Variants in GRM7 observed in about 807,000 individuals in gnomAD.
GRM7 encodes the protein glutamate metabotropic receptor 7, also known as metabotropic glutamate receptor 7.
GRM7 carries 35 observed loss-of-function variants against 84.5 expected under a neutral mutation model. The ratio of observed to expected loss-of-function variants is 0.41; its 90% CI spans 0.32 to 0.55. The LOEUF (loss-of-function observed/expected upper bound fraction) is 0.55. Ranked by LOEUF, GRM7 falls within the 20% of genes least tolerant of loss-of-function variation. GRM7 has a pLI of 0.19. For missense variants in GRM7, 1,003 were observed against 1,194.6 expected (o/e 0.84, Z 2.36); for synonymous variants, 487 against 455.1 (o/e 1.07, Z -0.89).
chr3:7,374,179 G>A (rs1694250212), intron 4 of GRM7, among the ~76,000 whole-genome samples: 1 of 152,052 alleles, frequency 6.6e-6, no homozygotes, highest in Admixed American at 6.6e-5. Context: ...GAGTGAAACA[G>A]GCTTTCTCAA....
intron 7 of GRM7, among the ~76,000 whole-genome samples, chr3:7,469,289 G>T (rs537848424): frequency 5.3e-5 from 8 of 152,298 alleles, no homozygotes; most frequent in African/African-American, 1.9e-4. Context: ...GTTCCTCAAG[G>T]GTTCCCTAAG....
chr3:7,579,649 C>A, intron 8 of GRM7, among the ~76,000 whole-genome samples: 1 of 152,122 alleles, frequency 6.6e-6, no homozygotes, highest in South Asian at 2.1e-4. Context: ...TCTAAAATAA[C>A]CCTTCATATT....
At chr3:7,474,096 A>G (rs1698821539) in intron 7 of GRM7, among the ~76,000 whole-genome samples, 1 of 152,176 alleles carries the variant, frequency 6.6e-6, no homozygotes, top group African/African-American at 2.4e-5. Context: ...GTCATCACTT[A>G]TGGCCATGAT....
At chr3:7,156,585 A>G (rs1314795380) in intron 2 of GRM7, among the ~76,000 whole-genome samples, 1 of 152,090 alleles carries the variant, frequency 6.6e-6, no homozygotes, top group Non-Finnish European at 1.5e-5. Flanking sequence ...GCATCCCCAT[A>G]TCTGTTATAT....
intron 2 of GRM7, among the ~76,000 whole-genome samples, chr3:7,199,289 G>C (rs1245355869): frequency 6.6e-6 from 1 of 152,242 alleles, no homozygotes; most frequent in African/African-American, 2.4e-5. Flanking sequence ...TGGATGAAGA[G>C]AGATCTGGAT....
chr3:7,079,642 G>C (rs981364795), intron 1 of GRM7, among the ~76,000 whole-genome samples: 10 of 152,108 alleles, frequency 6.6e-5, no homozygotes, highest in Non-Finnish European at 1.2e-4. Flanking sequence ...ACTGGAGTGG[G>C]CAGAATAATG....
intron 1 of GRM7, among the ~76,000 whole-genome samples, chr3:6,910,770 T>G (rs1267511057): frequency 6.6e-6 from 1 of 152,130 alleles, no homozygotes; most frequent in East Asian, 1.9e-4. Flanking sequence ...CCAAAGCATC[T>G]CATTCTCTAG....
intron 7 of GRM7, among the ~76,000 whole-genome samples, chr3:7,499,158 A>G (rs1559363657): frequency 6.6e-6 from 1 of 152,138 alleles, no homozygotes; most frequent in Non-Finnish European, 1.5e-5. Flanking sequence ...GATATCTCTA[A>G]CTTCCCATAG....
At chr3:7,221,573 G>GT (rs1696802132) in intron 2 of GRM7, among the ~76,000 whole-genome samples, 1 of 151,770 alleles carries the variant, frequency 6.6e-6, no homozygotes, top group African/African-American at 2.4e-5. Flanking sequence ...TATTGTAGGG[G>GT]TGTTCCACCA....
At chr3:7,517,819 C>A (rs757611162) in intron 7 of GRM7, among the ~76,000 whole-genome samples, 1 of 152,210 alleles carries the variant, frequency 6.6e-6, no homozygotes, top group Non-Finnish European at 1.5e-5. Flanking sequence ...CTTCTTTTAT[C>A]ACCAGATTTT....
At chr3:6,924,902 C>T (rs954807526) in intron 1 of GRM7, among the ~76,000 whole-genome samples, 4 of 152,038 alleles carry the variant, frequency 2.6e-5, no homozygotes, top group African/African-American at 9.7e-5. Flanking sequence ...TCAGAAAAGC[C>T]TGTGATTCTT....
intron 1 of GRM7, among the ~76,000 whole-genome samples, chr3:7,017,961 C>G (rs1410797365): frequency 6.6e-6 from 1 of 152,000 alleles, no homozygotes; most frequent in African/African-American, 2.4e-5. Context: ...TACTTGTAAG[C>G]CAAATAAAAG....
intron 8 of GRM7, among the ~76,000 whole-genome samples, chr3:7,619,130 C>T (rs1020588122): frequency 6.6e-6 from 1 of 152,154 alleles, no homozygotes; most frequent in African/African-American, 2.4e-5. Context: ...TTATTTTAGT[C>T]GGCCCATTTT....
At chr3:7,247,484 A>G (rs547656469) in intron 2 of GRM7, among the ~76,000 whole-genome samples, 1 of 151,858 alleles carries the variant, frequency 6.6e-6, no homozygotes, top group East Asian at 1.9e-4. Context: ...CTGTAGTCCT[A>G]CCTACTTGAG....
chr3:7,612,415 C>T (rs1299126325), intron 8 of GRM7, among the ~76,000 whole-genome samples: 1 of 152,106 alleles, frequency 6.6e-6, no homozygotes, highest in Non-Finnish European at 1.5e-5. Context: ...AAAGATGAGT[C>T]CCTGCCTTTG....
rs78669827 is a variant in GRM7 at position 7,460,158 on chromosome 3, A to T, written c.1376-1425A>T. Among the ~76,000 whole-genome samples the T allele has an allele frequency of 4.6e-3, 654 of 141,962 alleles. 5 individuals are homozygous for T. The highest frequency in any genetic ancestry group is 0.035 in the East Asian group (147 of 4,260). 93.1% of individuals were successfully genotyped at this position (141,962 alleles called of 152,430 possible). A position where few individuals can be genotyped will look rare whatever the true frequency, so the allele number is the denominator to read the frequency against. ...GCCAAACCTTGAGGAAGCAGCCATG[A>T]TGTTGAGAACGTCCCCACACAAACA... On this transcript the variant is annotated intron_variant, in intron 6 of 9. Coordinates refer to ENST00000357716, the MANE Select transcript of GRM7 (RefSeq NM_000844.4).
chr3:7,528,223 G>A (rs1480480469), intron 7 of GRM7, among the ~76,000 whole-genome samples: 3 of 151,922 alleles, frequency 2.0e-5, no homozygotes, highest in Non-Finnish European at 4.4e-5. Flanking sequence ...TCTGTTGAGG[G>A]TTTCAGTTTC....
chr3:6,898,970 G>A (rs896590620), intron 1 of GRM7, among the ~76,000 whole-genome samples: 2 of 152,106 alleles, frequency 1.3e-5, no homozygotes, highest in African/African-American at 4.8e-5. Flanking sequence ...CTTGACTCTT[G>A]ACTTCCATCA....
chr3:7,462,098 T>G (rs1370437480), intron 7 of GRM7, among the ~76,000 whole-genome samples: 2 of 152,168 alleles, frequency 1.3e-5, no homozygotes, highest in Non-Finnish European at 2.9e-5. Flanking sequence ...ACTGATATTT[T>G]TATTATTATT....
Sources: allele counts gnomAD v4.1 joint callset (sites outside exome capture counted in the v4.1 genomes callset), GRCh38; gene constraint gnomAD v4.1.1; transcripts MANE v1.5; gene names NCBI Gene and HGNC (gene_info 2026-07-23, HGNC 2026-07-21).